Variants in IKZF2 observed in about 807,000 individuals in gnomAD.
IKZF2 encodes IKAROS family zinc finger 2.
In IKZF2, 15 loss-of-function variants were observed where a neutral mutation model predicts 49.2. The observed-to-expected ratio is 0.30, with a 90% CI of 0.20 to 0.47. IKZF2 has a LOEUF of 0.47. Among genes scored for constraint, IKZF2 ranks in the 20% least tolerant of loss-of-function variants. IKZF2 has a pLI of 1.00. For synonymous variants in IKZF2, 227 were observed against 221.4 expected (o/e 1.03, Z -0.23); for missense variants, 567 against 664.6 (o/e 0.85, Z 1.61).
intron 4 of IKZF2, among the ~76,000 whole-genome samples, chr2:213,134,448 T>C (rs1000663668): frequency 2.0e-5 from 3 of 152,216 alleles, no homozygotes; most frequent in Non-Finnish European, 4.4e-5. Flanking sequence ...ACACACACAG[T>C]ATAGTACACA....
chr2:213,135,317 G>A (rs977607857), intron 4 of IKZF2, among the ~76,000 whole-genome samples: 1 of 152,102 alleles, frequency 6.6e-6, no homozygotes. Context: ...ATTATTTAGT[G>A]TATGACACTT....
chr2:213,009,382 A>G (rs1240413298), intron 8 of IKZF2, among the ~76,000 whole-genome samples: 2 of 152,126 alleles, frequency 1.3e-5, no homozygotes, highest in Non-Finnish European at 2.9e-5. Flanking sequence ...GTCTCTATTT[A>G]CCAGTTACTT....
At chr2:213,018,324 T>C (rs1298071902) in intron 7 of IKZF2, among the ~76,000 whole-genome samples, 1 of 152,146 alleles carries the variant, frequency 6.6e-6, no homozygotes, top group Non-Finnish European at 1.5e-5. Flanking sequence ...ATATAAATAA[T>C]CTGTCATAAA....
chr2:213,002,598 T>C lies in IKZF2; in HGVS notation c.*4762A>G, dbSNP rs1695001817. ...AAGCTGTCATATCCTAACACACCCA[T>C]TGCAAGTAATACACAACCATGATAT... is the stretch of plus-strand genomic sequence containing the variant. On this transcript the variant is annotated 3_prime_UTR_variant, in exon 9 of 9. Transcript: ENST00000434687. 2 of 151,910 alleles carry C rather than the reference T, an allele frequency of 1.3e-5. No individual in the cohort carries two copies. Among genetic ancestry groups the C allele is most frequent in the African/African-American group, 2.4e-5 (1 of 41,384 alleles). 9.4% of individuals were successfully genotyped at this position (151,910 alleles called of 1,614,324 possible).
At chr2:213,069,334 T>C (rs1285609170) in intron 4 of IKZF2, among the ~76,000 whole-genome samples, 1 of 152,144 alleles carries the variant, frequency 6.6e-6, no homozygotes. Context: ...GTCTTTGTTT[T>C]CTCAAAGGCT....
chr2:213,052,443 A>C (rs998250346), intron 5 of IKZF2, among the ~76,000 whole-genome samples: 4 of 152,074 alleles, frequency 2.6e-5, no homozygotes, highest in African/African-American at 4.8e-5. Context: ...TGAATTATGA[A>C]TAAGTCTTGA....
intron 4 of IKZF2, among the ~76,000 whole-genome samples, chr2:213,090,161 A>G (rs528931482): frequency 6.6e-6 from 1 of 152,282 alleles, no homozygotes; most frequent in East Asian, 1.9e-4. Context: ...TGTGTTAGTG[A>G]CAGCTGAGAG....
At chr2:213,036,235 A>G (rs919985829) in intron 6 of IKZF2, among the ~76,000 whole-genome samples, 1 of 152,096 alleles carries the variant, frequency 6.6e-6, no homozygotes, top group Admixed American at 6.5e-5. Flanking sequence ...ATAAAAGAAA[A>G]ATAAGGTGAA....
intron 4 of IKZF2, among the ~76,000 whole-genome samples, chr2:213,060,296 CTT>C (rs1158080360): frequency 2.6e-5 from 4 of 151,336 alleles, no homozygotes; most frequent in Non-Finnish European, 4.5e-5. Flanking sequence ...AAGTAGTAAA[CTT>C]AAGTGTATTC....
chr2:213,094,815 A>C (rs903850401), intron 4 of IKZF2, among the ~76,000 whole-genome samples: 1 of 152,194 alleles, frequency 6.6e-6, no homozygotes, highest in Non-Finnish European at 1.5e-5. Flanking sequence ...GACAGAATCA[A>C]AAGAAATCTT....
intron 4 of IKZF2, among the ~76,000 whole-genome samples, chr2:213,107,753 C>T (rs879411108): frequency 1.3e-5 from 2 of 152,086 alleles, no homozygotes; most frequent in Non-Finnish European, 2.9e-5. Flanking sequence ...AACTCTTTGG[C>T]GAGATCACAA....
intron 4 of IKZF2, among the ~76,000 whole-genome samples, chr2:213,062,835 A>G (rs1701831721): frequency 6.6e-6 from 1 of 152,014 alleles, no homozygotes; most frequent in East Asian, 1.9e-4. Context: ...CTAAACAGAA[A>G]CACCAAACAT....
At chr2:213,082,401 G>A (rs925156057) in intron 4 of IKZF2, among the ~76,000 whole-genome samples, 23 of 152,086 alleles carry the variant, frequency 1.5e-4, no homozygotes, top group African/African-American at 5.6e-4. Context: ...ATAAACCAAT[G>A]TACTTTTTAC....
chr2:213,070,873 G>A (rs138335097), intron 4 of IKZF2, among the ~76,000 whole-genome samples: 1 of 152,176 alleles, frequency 6.6e-6, no homozygotes, highest in Non-Finnish European at 1.5e-5. Flanking sequence ...GGCCAATAGG[G>A]CCACAGGAAT....
chr2:213,116,560 T>A (rs1218052446), intron 4 of IKZF2, among the ~76,000 whole-genome samples: 1 of 152,054 alleles, frequency 6.6e-6, no homozygotes, highest in African/African-American at 2.4e-5. Context: ...CACAGTGGGA[T>A]CTTGTCTGTA....
rs1476242160 is a variant in IKZF2 at position 213,003,125 on chromosome 2, A to G, written c.*4235T>C. 6.6e-6 allele frequency: 1 copy of G among 152,086 alleles called. No homozygotes were observed. Among genetic ancestry groups the G allele is most frequent in the Admixed American group, 6.6e-5 (1 of 15,190 alleles). The allele number at this position is 152,086 out of a possible 1,614,324, so 9.4% of individuals were successfully genotyped here. ...ATTATATAGTACTCAATTTTAAGTG[A>G]TTTTTAAAAATGCATATTAAAAGTG... On this transcript the variant is annotated 3_prime_UTR_variant, in exon 9 of 9. Coordinates refer to ENST00000434687, the MANE Select transcript of IKZF2 (RefSeq NM_001387220.1).
chr2:213,021,752 A>T, intron 7 of IKZF2: 1 of 567,334 alleles, frequency 1.8e-6, no homozygotes, highest in Non-Finnish European at 3.3e-6. Context: ...AAGAGTAAAT[A>T]GTACCTTCCT....
Position 213,106,642 on chromosome 2 carries a change from T to TAAAAA in IKZF2, c.139+41061_139+41065dup, listed in dbSNP as rs56160319. 2.4e-5 allele frequency among the ~76,000 whole-genome samples: 3 copies of TAAAAA among 126,664 alleles called. No individual in the cohort carries two copies. The South Asian group carries it at 7.6e-4, about 32-fold the overall frequency. The allele number at this position is 126,664 out of a possible 152,430, so 83.1% of individuals were successfully genotyped here. ...GCGACAGAGTGAGGGAAACCCTGTC[T>TAAAAA]AAAAAAAAAAAAAAGAAAAAAGAAA... On this transcript the variant is annotated intron_variant, in intron 4 of 8. Coordinates refer to ENST00000434687, the MANE Select transcript of IKZF2 (RefSeq NM_001387220.1).
chr2:213,055,328 C>T (rs1701039776), intron 5 of IKZF2, among the ~76,000 whole-genome samples: 1 of 151,810 alleles, frequency 6.6e-6, no homozygotes, highest in African/African-American at 2.4e-5. Flanking sequence ...TAGTCTTTTC[C>T]CTTTACTTTT....
Sources: allele counts gnomAD v4.1 joint callset (sites outside exome capture counted in the v4.1 genomes callset), GRCh38; gene constraint gnomAD v4.1.1; transcripts MANE v1.5; gene names NCBI Gene and HGNC (gene_info 2026-07-23, HGNC 2026-07-21).